Variants in ALKAL1 observed in about 807,000 individuals in gnomAD.
ALKAL1 encodes AUG-beta.
In ALKAL1, 23 loss-of-function variants were observed where a neutral mutation model predicts 13.5. The ratio of observed to expected loss-of-function variants is 1.70; its 90% CI spans 1.23 to 2.41. The LOEUF (loss-of-function observed/expected upper bound fraction) is 2.41. Ranked by LOEUF, ALKAL1 falls within the 30% of genes most tolerant of loss-of-function variation. The pLI, the probability that ALKAL1 is intolerant of heterozygous loss-of-function variation, is 0.00. For synonymous variants in ALKAL1, 85 were observed against 77.7 expected, an observed-to-expected ratio of 1.09 and a Z score of -0.49; for missense variants, 181 against 178.4, an observed-to-expected ratio of 1.01 and a Z score of -0.08.
At chr8:52,549,842 C>T (rs961790402) in intron 1 of ALKAL1, among the ~76,000 whole-genome samples, 1 of 151,744 alleles carries the variant, frequency 6.6e-6, no homozygotes, top group Non-Finnish European at 1.5e-5. Context: ...CTCGAGAGGC[C>T]GAGGCAGGAG....
chr8:52,547,051 T>C (rs1214995841), intron 1 of ALKAL1, among the ~76,000 whole-genome samples: 3 of 152,360 alleles, frequency 2.0e-5, no homozygotes, highest in Middle Eastern at 3.4e-3. Flanking sequence ...TATTTTTCCA[T>C]GCACACCCTT....
At chr8:52,561,157 T>C (rs959393456) in intron 1 of ALKAL1, among the ~76,000 whole-genome samples, 1 of 152,172 alleles carries the variant, frequency 6.6e-6, no homozygotes, top group African/African-American at 2.4e-5. Context: ...GTGAAATAAA[T>C]TGTTACTCAC....
intron 4 of ALKAL1, among the ~76,000 whole-genome samples, chr8:52,535,883 A>G (rs1847262038): frequency 6.6e-6 from 1 of 152,102 alleles, no homozygotes; most frequent in South Asian, 2.1e-4. Flanking sequence ...ATTGATATTG[A>G]GTTACACTGG....
In ALKAL1 at chr8:52,565,287, C is replaced by G; in HGVS notation, c.-31G>C. 1 of 1,288,762 alleles carries G rather than the reference C, an allele frequency of 7.8e-7. No homozygotes were observed. Among genetic ancestry groups the G allele is most frequent in the Middle Eastern group, 2.6e-4 (1 of 3,890 alleles). 79.8% of individuals were successfully genotyped at this position (1,288,762 alleles called of 1,614,324 possible). ...CAAGCCGGGAGGAGAGAGCGGGAGA[C>G]TCCGGGAGGATCCCGACGCAGGTCC... On this transcript the variant is annotated 5_prime_UTR_variant, in exon 1 of 5. Transcript: ENST00000358543.
chr8:52,551,501 G>A (rs76131518), intron 1 of ALKAL1, among the ~76,000 whole-genome samples: 1 of 149,122 alleles, frequency 6.7e-6, no homozygotes, highest in East Asian at 2.0e-4. Context: ...AGAGAAGGGG[G>A]TCTTACTTTG....
Position 52,542,446 on chromosome 8 carries a change from C to G in ALKAL1, c.191-1G>C. The G allele has an allele frequency of 6.6e-7, 1 of 1,507,410 alleles. No homozygotes were observed. The highest frequency in any genetic ancestry group is 1.2e-5 in the South Asian group (1 of 83,740). The allele number at this position is 1,507,410 out of a possible 1,614,324, so 93.4% of individuals were successfully genotyped here. On this transcript the variant is annotated splice_acceptor_variant, in intron 1 of 4. Transcript: ENST00000358543. LOFTEE classifies it high-confidence loss of function. ...AAGTTAGAGTCTCTTGGGAATATTT[C>G]TGAAAAGAAAAAAAAAACCATCAGA...
chr8:52,547,522 T>C (rs917949899), intron 1 of ALKAL1, among the ~76,000 whole-genome samples: 1 of 151,750 alleles, frequency 6.6e-6, no homozygotes, highest in East Asian at 1.9e-4. Context: ...TAAATAAATA[T>C]AAATAACTAA....
At chr8:52,555,542 T>C (rs1847474370) in intron 1 of ALKAL1, among the ~76,000 whole-genome samples, 1 of 152,094 alleles carries the variant, frequency 6.6e-6, no homozygotes, top group Non-Finnish European at 1.5e-5. Context: ...AAAGAAACAG[T>C]GCAAGCTCAC....
chr8:52,561,745 C>T lies in ALKAL1; in HGVS notation c.190+3322G>A, dbSNP rs190720547. 2.2e-3 allele frequency among the ~76,000 whole-genome samples: 337 copies of T among 152,316 alleles called. 2 individuals are homozygous for T. Among genetic ancestry groups the T allele is most frequent in the South Asian group, 3.3e-3 (16 of 4,826 alleles). Reference sequence around the variant, plus strand: ...CAGCATAACCTCATCAAAACCCCTTCACATTCTCTCCTTAAGCTCCATGTC... The same window carrying T: ...CAGCATAACCTCATCAAAACCCCTTTACATTCTCTCCTTAAGCTCCATGTC... On this transcript the variant is annotated intron_variant, in intron 1 of 4. Transcript: ENST00000358543.
chr8:52,559,352 C>T (rs1428357401), intron 1 of ALKAL1, among the ~76,000 whole-genome samples: 1 of 152,088 alleles, frequency 6.6e-6, no homozygotes, highest in Non-Finnish European at 1.5e-5. Context: ...TGGGTACATG[C>T]AAGGATGGAG....
intron 4 of ALKAL1, among the ~76,000 whole-genome samples, chr8:52,538,147 A>C (rs866998488): frequency 4.6e-5 from 7 of 151,742 alleles, no homozygotes; most frequent in Middle Eastern, 7.0e-3. Flanking sequence ...AGTGAATATG[A>C]ACTACAGCGA....
At chr8:52,560,976 G>T (rs1260503909) in intron 1 of ALKAL1, among the ~76,000 whole-genome samples, 2 of 151,946 alleles carry the variant, frequency 1.3e-5, no homozygotes, top group Non-Finnish European at 2.9e-5. Context: ...GAAGATGATG[G>T]CTATGTTCAT....
intron 4 of ALKAL1, among the ~76,000 whole-genome samples, chr8:52,535,937 T>C (rs1176629619): frequency 6.8e-6 from 1 of 146,772 alleles, no homozygotes; most frequent in African/African-American, 2.6e-5. Flanking sequence ...ACAAGTCCTC[T>C]ATGACCATTT....
At chr8:52,541,107 C>A (rs1283580449) in intron 2 of ALKAL1, among the ~76,000 whole-genome samples, 1 of 152,156 alleles carries the variant, frequency 6.6e-6, no homozygotes, top group African/African-American at 2.4e-5. Flanking sequence ...GGACATAGGA[C>A]AATGTGCAAA....
At position 52,565,376 on chromosome 8, in the gene ALKAL1, T is replaced by G; in HGVS notation, c.-120A>C. 1 of 760,448 alleles carries G rather than the reference T, an allele frequency of 1.3e-6. No individual in the cohort carries two copies. The highest frequency in any genetic ancestry group is 1.8e-6 in the Non-Finnish European group (1 of 546,820). The allele number at this position is 760,448 out of a possible 1,614,324, so 47.1% of individuals were successfully genotyped here. Reference sequence around the variant, plus strand: ...AGCGCGGCTACGCGGCCGGCCGCAGTCTTCACCGCGCGCCTGCCCTTGTCT... The same window carrying G: ...AGCGCGGCTACGCGGCCGGCCGCAGGCTTCACCGCGCGCCTGCCCTTGTCT... On this transcript the variant is annotated 5_prime_UTR_variant, in exon 1 of 5. Transcript: ENST00000358543.
At chr8:52,554,940 G>A (rs192186743) in intron 1 of ALKAL1, among the ~76,000 whole-genome samples, 1 of 152,318 alleles carries the variant, frequency 6.6e-6, no homozygotes, top group African/African-American at 2.4e-5. Context: ...GGGAGGCTGA[G>A]GCGGGCGGAT....
intron 1 of ALKAL1, among the ~76,000 whole-genome samples, chr8:52,564,793 T>G (rs915531266): frequency 1.3e-5 from 2 of 152,190 alleles, no homozygotes; most frequent in Non-Finnish European, 2.9e-5. Flanking sequence ...TTTGAGCTGC[T>G]TTACCAGTTT....
chr8:52,558,184 A>G (rs1223455665), intron 1 of ALKAL1, among the ~76,000 whole-genome samples: 5 of 145,228 alleles, frequency 3.4e-5, no homozygotes, highest in Non-Finnish European at 7.5e-5. Flanking sequence ...ACACACATAT[A>G]CTTTTTTTTT....
intron 1 of ALKAL1, among the ~76,000 whole-genome samples, chr8:52,550,350 C>T (rs1160430451): frequency 6.6e-6 from 1 of 152,210 alleles, no homozygotes; most frequent in East Asian, 1.9e-4. Flanking sequence ...CCCAGACTTA[C>T]AGTCAGACTT....
Sources: gnomAD v4.1 joint callset for allele counts (sites outside exome capture counted in the v4.1 genomes callset) on GRCh38, gnomAD v4.1.1 for gene constraint, MANE v1.5 for transcripts, NCBI Gene and HGNC (gene_info 2026-07-23, HGNC 2026-07-21) for gene names.